The following RBFOX1 variants were observed in gnomAD, a reference collection of about 807,000 sequenced individuals.
The protein encoded by RBFOX1 is RNA binding fox-1 homolog 1, also known as RNA binding protein fox-1 homolog 1.
RBFOX1 carries 8 observed loss-of-function variants against 57.7 expected under a neutral mutation model. That is an observed-to-expected ratio of 0.14 (90% CI 0.08 to 0.25). RBFOX1 has a LOEUF of 0.25. Among genes scored for constraint, RBFOX1 ranks in the 10% least tolerant of loss-of-function variants. The probability of loss-of-function intolerance (pLI) is 1.00; values close to 1 mark genes in which losing one functional copy is unlikely to be tolerated. For missense variants in RBFOX1, 611 were observed against 548.5 expected (o/e 1.11, Z -1.14); for synonymous variants, 326 against 222.4 (o/e 1.47, Z -4.15).
rs2092798718 is a variant in RBFOX1 at position 7,571,754 on chromosome 16, T to C, written c.271-8023T>C. ...AACCCACCTCTTGGGGTTAATGGAC[T>C]TCCCATCTGTGTAGGGTCCTGCAGC... On this transcript the variant is annotated intron_variant, in intron 5 of 15. Coordinates refer to ENST00000550418, the MANE Select transcript of RBFOX1 (RefSeq NM_018723.4). Among the ~76,000 whole-genome samples, 3 of 152,260 alleles carry C rather than the reference T, an allele frequency of 2.0e-5. No homozygotes were observed. The South Asian group carries it at 6.2e-4, about 32-fold the overall frequency.
At chr16:5,750,602 A>T (rs920844889) in intron 3 of RBFOX1, among the ~76,000 whole-genome samples, 1 of 152,166 alleles carries the variant, frequency 6.6e-6, no homozygotes, top group Non-Finnish European at 1.5e-5. Flanking sequence ...GCCGTCTTGC[A>T]GTTCGATCTC....
intron 4 of RBFOX1, among the ~76,000 whole-genome samples, chr16:7,315,301 T>C (rs2096410979): frequency 1.3e-5 from 2 of 152,118 alleles, no homozygotes; most frequent in Admixed American, 1.3e-4. Context: ...TATTTTTGTC[T>C]ATGATAAAAT....
chr16:6,386,081 G>A (rs1479325588), intron 2 of RBFOX1, among the ~76,000 whole-genome samples: 3 of 151,948 alleles, frequency 2.0e-5, no homozygotes, highest in South Asian at 2.1e-4. Flanking sequence ...GACTACAGGC[G>A]CCCGCCACCG....
At chr16:6,865,396 A>T (rs1027252848) in intron 3 of RBFOX1, among the ~76,000 whole-genome samples, 5 of 152,070 alleles carry the variant, frequency 3.3e-5, no homozygotes, top group African/African-American at 1.2e-4. Flanking sequence ...CAAAGAAGAA[A>T]AATCATTTCT....
chr16:7,651,287 C>A (rs550903937), intron 11 of RBFOX1, among the ~76,000 whole-genome samples: 9 of 152,216 alleles, frequency 5.9e-5, no homozygotes, highest in African/African-American at 1.9e-4. Flanking sequence ...TTTATTTGGG[C>A]CCTTAAAATT....
rs2082460700 is a variant in RBFOX1, at chr16:6,789,053, G to C, written c.-16+134403G>C. On this transcript the variant is annotated intron_variant, in intron 3 of 15. Coordinates refer to ENST00000550418, the MANE Select transcript of RBFOX1 (RefSeq NM_018723.4). Reference sequence around the variant, plus strand: ...GGTTCTCCTGCTGTATAGAAACATGGATGTCGCGAAATTGCCTATTAAACA... The same window carrying C: ...GGTTCTCCTGCTGTATAGAAACATGCATGTCGCGAAATTGCCTATTAAACA... 2.6e-5 allele frequency among the ~76,000 whole-genome samples: 4 copies of C among 152,092 alleles called. No homozygotes were observed. The South Asian group carries it at 6.2e-4, about 24-fold the overall frequency.
chr16:6,193,351 A>G (rs1166751366), intron 1 of RBFOX1, among the ~76,000 whole-genome samples: 1 of 100,204 alleles, frequency 1.0e-5, no homozygotes, highest in Non-Finnish European at 2.0e-5. Context: ...TTACATATAT[A>G]TACATTATAT....
chr16:6,615,555 G>A (rs1412167320), intron 2 of RBFOX1, among the ~76,000 whole-genome samples: 1 of 150,402 alleles, frequency 6.6e-6, no homozygotes, highest in African/African-American at 2.5e-5. Flanking sequence ...GGGAGAAAGA[G>A]CGAATCTCCA....
intron 2 of RBFOX1, among the ~76,000 whole-genome samples, chr16:6,431,746 C>T (rs571388277): frequency 2.0e-5 from 3 of 152,208 alleles, no homozygotes; most frequent in Admixed American, 6.5e-5. Flanking sequence ...GTCCTGGCTA[C>T]TTTACCAGCT....
chr16:5,977,290 A>G (rs957877289), intron 4 of RBFOX1, among the ~76,000 whole-genome samples: 1 of 152,052 alleles, frequency 6.6e-6, no homozygotes, highest in African/African-American at 2.4e-5. Context: ...GGAGGTGTGT[A>G]TCTTGGGAGA....
rs56678526 is a variant in RBFOX1 at position 6,866,541 on chromosome 16, A to ATT, written c.-15-185499_-15-185498dup. Reference sequence around the variant, plus strand: ...TAAGGTTAGGGCTTTCTTTCCTTCTATTTTTTTTTTTTTTTTTTGAGTTGG... The same window carrying ATT: ...TAAGGTTAGGGCTTTCTTTCCTTCTATTTTTTTTTTTTTTTTTTTTGAGTTGG... On this transcript the variant is annotated intron_variant, in intron 3 of 15. Coordinates refer to ENST00000550418, the MANE Select transcript of RBFOX1 (RefSeq NM_018723.4). 1.0e-3 allele frequency among the ~76,000 whole-genome samples: 81 copies of ATT among 78,872 alleles called. 3 individuals are homozygous for ATT. The highest frequency in any genetic ancestry group is 3.6e-3 in the African/African-American group (65 of 17,828). 51.7% of individuals were successfully genotyped at this position (78,872 alleles called of 152,430 possible). A position where few individuals can be genotyped will look rare whatever the true frequency, so the allele number is the denominator to read the frequency against.
chr16:6,420,320 C>T (rs1451419248), intron 2 of RBFOX1, among the ~76,000 whole-genome samples: 6 of 150,980 alleles, frequency 4.0e-5, no homozygotes, highest in Non-Finnish European at 8.8e-5. Flanking sequence ...GCAATTGCCT[C>T]CAGGTGGTTA....
chr16:5,865,605 C>G (rs985621239), intron 3 of RBFOX1, among the ~76,000 whole-genome samples: 9 of 152,166 alleles, frequency 5.9e-5, no homozygotes, highest in Admixed American at 1.3e-4. Context: ...GGTGCCAAAG[C>G]CAGGTCAGTG....
chr16:6,393,548 C>T (rs933288336), intron 2 of RBFOX1, among the ~76,000 whole-genome samples: 1 of 152,116 alleles, frequency 6.6e-6, no homozygotes, highest in Non-Finnish European at 1.5e-5. Flanking sequence ...TCCTTGAAGA[C>T]CCCCCACATG....
At chr16:6,181,524 T>G (rs1199661389) in intron 1 of RBFOX1, among the ~76,000 whole-genome samples, 2 of 152,190 alleles carry the variant, frequency 1.3e-5, no homozygotes, top group Non-Finnish European at 2.9e-5. Context: ...TAGCTGGTAG[T>G]CCCAAATATT....
At chr16:5,436,745 C>G (rs1210394197) in intron 1 of RBFOX1, among the ~76,000 whole-genome samples, 2 of 151,490 alleles carry the variant, frequency 1.3e-5, no homozygotes, top group South Asian at 2.1e-4. Flanking sequence ...GGCTGAGGCA[C>G]GAGAATCACT....
chr16:5,896,846 C>T (rs999512208), intron 4 of RBFOX1, among the ~76,000 whole-genome samples: 11 of 152,054 alleles, frequency 7.2e-5, no homozygotes, highest in African/African-American at 2.7e-4. Context: ...TCAACAGCAT[C>T]ACTATAGTTC....
Position 5,478,299 on chromosome 16 carries a change from C to G in RBFOX1, c.258+11045C>G, listed in dbSNP as rs563044956. ...CAAGCTGCCAGACGGTTAGAGTGGG[C>G]TAGCAGAGGAGAAGGAAGGCTCTGA... On this transcript the variant is annotated intron_variant, in intron 2 of 2. Transcript: ENST00000585867. Among the ~76,000 whole-genome samples, 3 of 151,984 alleles carry G rather than the reference C, an allele frequency of 2.0e-5. No homozygotes were observed. In the East Asian group the frequency reaches 5.8e-4, roughly 29 times the overall value.
chr16:7,483,967 TAA>T (rs1336135700), intron 4 of RBFOX1, among the ~76,000 whole-genome samples: 1 of 152,236 alleles, frequency 6.6e-6, no homozygotes, highest in Non-Finnish European at 1.5e-5. Context: ...TCCTTGACCT[TAA>T]GTTTCCTTAC....
Sources: gnomAD v4.1 joint callset for allele counts (sites outside exome capture counted in the v4.1 genomes callset) on GRCh38, gnomAD v4.1.1 for gene constraint, MANE v1.5 for transcripts, NCBI Gene and HGNC (gene_info 2026-07-23, HGNC 2026-07-21) for gene names.